GPD2: variants seen among roughly 807,000 people sequenced by gnomAD.
GPD2 encodes glycerol-3-phosphate dehydrogenase, mitochondrial.
In GPD2, 54 loss-of-function variants were observed where a neutral mutation model predicts 82.4. That is an observed-to-expected ratio of 0.66 (90% confidence interval 0.53 to 0.82). The LOEUF is 0.82. GPD2 is among the 40% of genes least tolerant of loss of function. The pLI, the probability that GPD2 is intolerant of heterozygous loss-of-function variation, is 0.00. For synonymous variants in GPD2, 288 were observed against 306.1 expected, an observed-to-expected ratio of 0.94 and a Z score of 0.62; for missense variants, 748 against 896.2, an observed-to-expected ratio of 0.83 and a Z score of 2.11.
intron 11 of GPD2, 35 bp from the exon 12 acceptor site, chr2:156,570,052 C>A: frequency 1.2e-6 from 2 of 1,602,866 alleles, no homozygotes; most frequent in South Asian, 2.2e-5. Flanking sequence ...TATTGATATT[C>A]AAAGTGCCTG....
chr2:156,439,526 AAAAAAAAAAAAAAC>A (rs754371407), intron 1 of GPD2, among the ~76,000 whole-genome samples: 40 of 104,326 alleles, frequency 3.8e-4, no homozygotes, highest in Admixed American at 5.2e-4. Context: ...AAAAAAAAAA[AAAAAAAAAAAAAAC>A]AAAAAAAAAA....
At chr2:156,569,099 G>T (rs535902622) in intron 10 of GPD2, 140 bp downstream of exon 10, 7 of 759,260 alleles carry the variant, frequency 9.2e-6, no homozygotes, top group African/African-American at 7.1e-5. Flanking sequence ...AAAGTGTTGG[G>T]ATTACAGGCA....
At position 156,579,468 on chromosome 2, in the gene GPD2, A is replaced by G. The variant is rs1236989237; in HGVS notation, c.1960-222A>G. Among the ~76,000 whole-genome samples, 6 of 151,718 alleles carry G rather than the reference A, an allele frequency of 4.0e-5. No individual in the cohort carries two copies. The East Asian group carries it at 1.2e-3, about 29-fold the overall frequency. ...CTCAGCCTCCAGAGTAGCTGGGACT[A>G]CAAGTGCGCACCACCATGCCCGGCT... On this transcript the variant is annotated intron_variant, in intron 15 of 16. Coordinates refer to ENST00000438166, the MANE Select transcript of GPD2 (RefSeq NM_000408.5).
the GPD2 span, among the ~76,000 whole-genome samples, chr2:156,406,808 T>TTTC: frequency 6.6e-6 from 1 of 152,228 alleles, no homozygotes; most frequent in African/African-American, 2.4e-5. Context: ...CCTAAAGCTC[T>TTTC]TTCTTCTTCT....
chr2:156,439,060 T>C (rs1048670719), intron 1 of GPD2, among the ~76,000 whole-genome samples: 1 of 152,240 alleles, frequency 6.6e-6, no homozygotes, highest in African/African-American at 2.4e-5. Context: ...ACCTTTGTTT[T>C]AGGAATGTTT....
chr2:156,407,702 G>A, the GPD2 span, among the ~76,000 whole-genome samples: 1 of 152,080 alleles, frequency 6.6e-6, no homozygotes, highest in Non-Finnish European at 1.5e-5. Context: ...TTGCTAGTAG[G>A]AACAATGCTA....
At chr2:156,569,776 G>A (rs1294232606) in intron 11 of GPD2, among the ~76,000 whole-genome samples, 1 of 152,070 alleles carries the variant, frequency 6.6e-6, no homozygotes, top group Non-Finnish European at 1.5e-5. Context: ...TTTGTTTCTA[G>A]TGTATAGGGC....
intron 6 of GPD2, among the ~76,000 whole-genome samples, chr2:156,536,427 A>G (rs1449925816): frequency 1.3e-5 from 2 of 152,350 alleles, no homozygotes; most frequent in Middle Eastern, 3.4e-3. Flanking sequence ...GACCAGATGA[A>G]TTCAAAACTC....
chr2:156,410,183 G>A, the GPD2 span, among the ~76,000 whole-genome samples: 6 of 152,130 alleles, frequency 3.9e-5, no homozygotes, highest in African/African-American at 1.4e-4. Flanking sequence ...CAAAGTTTAA[G>A]GGCAGCACGT....
At chr2:156,526,129 C>A (rs1486083999) in intron 6 of GPD2, among the ~76,000 whole-genome samples, 1 of 152,060 alleles carries the variant, frequency 6.6e-6, no homozygotes, top group South Asian at 2.1e-4. Flanking sequence ...AAAGCAGGGA[C>A]CAACTTTTAT....
intron 2 of GPD2, among the ~76,000 whole-genome samples, chr2:156,491,210 T>C (rs2105231290): frequency 6.6e-6 from 1 of 152,352 alleles, no homozygotes; most frequent in African/African-American, 2.4e-5. Context: ...ATGTAGTATG[T>C]AGACTTCTGA....
intron 6 of GPD2, among the ~76,000 whole-genome samples, chr2:156,549,318 G>A (rs1686663821): frequency 6.6e-6 from 1 of 152,312 alleles, no homozygotes; most frequent in Non-Finnish European, 1.5e-5. Flanking sequence ...CCAACACTGA[G>A]AGAATAATTA....
chr2:156,417,067 C>T, the GPD2 span, among the ~76,000 whole-genome samples: 1 of 152,162 alleles, frequency 6.6e-6, no homozygotes, highest in Non-Finnish European at 1.5e-5. Context: ...ACCTGTCATA[C>T]TTAACACGCT....
intron 9 of GPD2, among the ~76,000 whole-genome samples, chr2:156,558,758 C>T (rs1462931215): frequency 1.5e-5 from 2 of 130,466 alleles, no homozygotes; most frequent in Non-Finnish European, 3.4e-5. Context: ...CCACCACGCC[C>T]AGCTAACTTT....
At chr2:156,520,310 C>T (rs1685354133) in intron 6 of GPD2, among the ~76,000 whole-genome samples, 1 of 151,118 alleles carries the variant, frequency 6.6e-6, no homozygotes, top group African/African-American at 2.4e-5. Context: ...GGGGCCATTG[C>T]CGGGGAACTA....
At chr2:156,400,782 A>G in the GPD2 span, among the ~76,000 whole-genome samples, 2 of 152,250 alleles carry the variant, frequency 1.3e-5, no homozygotes, top group Non-Finnish European at 2.9e-5. Context: ...GATGTAGCTC[A>G]GTGGTAGAGC....
intron 9 of GPD2, among the ~76,000 whole-genome samples, chr2:156,568,343 T>C (rs181421106): frequency 1.2e-4 from 18 of 152,226 alleles, no homozygotes; most frequent in Admixed American, 5.2e-4. Flanking sequence ...AAGAGGGTGG[T>C]ATTGATGAGG....
intron 1 of GPD2, among the ~76,000 whole-genome samples, chr2:156,440,386 G>C (rs1480420746): frequency 2.0e-5 from 3 of 152,222 alleles, no homozygotes; most frequent in Admixed American, 2.0e-4. Flanking sequence ...AAAAAGAAAG[G>C]AAGAGATGTT....
intron 3 of GPD2, among the ~76,000 whole-genome samples, chr2:156,507,942 C>G (rs554548767): frequency 6.6e-6 from 1 of 152,244 alleles, no homozygotes; most frequent in African/African-American, 2.4e-5. Flanking sequence ...TCCACCTGCC[C>G]TGAACACGTA....
Sources: gnomAD v4.1 joint callset for allele counts (sites outside exome capture counted in the v4.1 genomes callset) on GRCh38, gnomAD v4.1.1 for gene constraint, MANE v1.5 for transcripts, NCBI Gene and HGNC (gene_info 2026-07-23, HGNC 2026-07-21) for gene names.